The following LRFN2 variants were observed in gnomAD, a reference collection of about 807,000 sequenced individuals.
The protein encoded by LRFN2 is leucine-rich repeat and fibronectin type-III domain-containing protein 2.
A neutral mutation model predicts 37.3 loss-of-function variants in LRFN2; 18 were observed. The observed-to-expected ratio is 0.48, with a 90% CI of 0.33 to 0.72. LRFN2 has a LOEUF of 0.72. Among genes scored for constraint, LRFN2 ranks in the 30% least tolerant of loss-of-function variants. The probability of loss-of-function intolerance (pLI) is 0.02; values close to 1 mark genes in which losing one functional copy is unlikely to be tolerated. For synonymous variants in LRFN2, 556 were observed against 466.6 expected (o/e 1.19, Z -2.47); for missense variants, 1,006 against 1,060.7 (o/e 0.95, Z 0.72).
At chr6:40,555,248 G>A (rs550706888) in intron 1 of LRFN2, among the ~76,000 whole-genome samples, 1 of 152,332 alleles carries the variant, frequency 6.6e-6, no homozygotes, top group African/African-American at 2.4e-5. Context: ...AAGAAGCCAT[G>A]CCAGTGAGGT....
At chr6:40,550,025 C>T (rs1581790475) in intron 1 of LRFN2, among the ~76,000 whole-genome samples, 4 of 152,106 alleles carry the variant, frequency 2.6e-5, no homozygotes, top group Admixed American at 2.6e-4. Flanking sequence ...GAGAGAAAGA[C>T]TCCGTCTCAA....
chr6:40,461,000 T>G (rs1274255204), intron 1 of LRFN2, among the ~76,000 whole-genome samples: 1 of 152,188 alleles, frequency 6.6e-6, no homozygotes, highest in Non-Finnish European at 1.5e-5. Flanking sequence ...ATCATTGTAA[T>G]GTAACATTTG....
chr6:40,418,771 T>C (rs551192100), intron 2 of LRFN2, among the ~76,000 whole-genome samples: 30 of 152,276 alleles, frequency 2.0e-4, no homozygotes, highest in African/African-American at 7.2e-4. Context: ...TCACACCTCA[T>C]AGGGTTAACA....
chr6:40,432,784 A>G lies in LRFN2; in HGVS notation c.330T>C (p.Asn110=), dbSNP rs1561852880. 1 of 1,614,180 alleles carries G rather than the reference A, an allele frequency of 6.2e-7. No individual in the cohort carries two copies. Among genetic ancestry groups the G allele is most frequent in the Non-Finnish European group, 8.5e-7 (1 of 1,180,028 alleles). The stretch of plus-strand genomic sequence containing the variant: ...TGTCCTCCCCAAGGCTTGGCAGCCG[A>G]TTGCTGTCAAGATGCAGGGAGCGGA... ...ESLRSLHLDS[N]RLPSLGEDTL... Residue 110 remains asparagine, a synonymous_variant, in exon 2 of 3, where the codon AAT becomes AAC. Transcript: ENST00000338305.
chr6:40,576,440 T>C (rs1218531843), intron 1 of LRFN2, among the ~76,000 whole-genome samples: 1 of 152,110 alleles, frequency 6.6e-6, no homozygotes, highest in Non-Finnish European at 1.5e-5. Context: ...AAAACCAATA[T>C]ACAGTAAATA....
At chr6:40,420,408 T>G (rs971459422) in intron 2 of LRFN2, among the ~76,000 whole-genome samples, 1 of 152,238 alleles carries the variant, frequency 6.6e-6, no homozygotes, top group African/African-American at 2.4e-5. Flanking sequence ...CTTCCCTCTT[T>G]GCTTTGCTCT....
chr6:40,513,480 C>T (rs180713236), intron 1 of LRFN2, among the ~76,000 whole-genome samples: 186 of 152,208 alleles, frequency 1.2e-3, no homozygotes, highest in African/African-American at 4.3e-3. Flanking sequence ...GTGATCCGCC[C>T]ACCTCAGCCT....
At chr6:40,540,268 C>A (rs1766528198) in intron 1 of LRFN2, among the ~76,000 whole-genome samples, 1 of 152,216 alleles carries the variant, frequency 6.6e-6, no homozygotes, top group South Asian at 2.1e-4. Flanking sequence ...TGTTCATAAG[C>A]ATTTTGTAAA....
At chr6:40,407,469 G>A (rs1219860617) in intron 2 of LRFN2, among the ~76,000 whole-genome samples, 1 of 152,194 alleles carries the variant, frequency 6.6e-6, no homozygotes, top group Admixed American at 6.5e-5. Context: ...TGGTGAGTGT[G>A]AGAAATCAAG....
chr6:40,531,347 G>A (rs79664506), intron 1 of LRFN2, among the ~76,000 whole-genome samples: 1 of 152,332 alleles, frequency 6.6e-6, no homozygotes, highest in East Asian at 1.9e-4. Flanking sequence ...TTGACTGCTT[G>A]TCTCCATGGC....
At chr6:40,491,582 C>G (rs1765098603) in intron 1 of LRFN2, among the ~76,000 whole-genome samples, 1 of 148,068 alleles carries the variant, frequency 6.8e-6, no homozygotes, top group African/African-American at 2.5e-5. Flanking sequence ...TTCCCTCACT[C>G]TATTTTGCCG....
chr6:40,411,306 C>T (rs373697230), intron 2 of LRFN2, among the ~76,000 whole-genome samples: 46 of 152,280 alleles, frequency 3.0e-4, no homozygotes, highest in East Asian at 1.9e-4. Context: ...GAACCCCAAA[C>T]GGGCACGGTA....
At chr6:40,436,487 A>G (rs964915772) in intron 1 of LRFN2, among the ~76,000 whole-genome samples, 2 of 140,380 alleles carry the variant, frequency 1.4e-5, no homozygotes, top group Admixed American at 7.5e-5. Context: ...GTTCTATAGG[A>G]TATGTGTTTT....
intron 2 of LRFN2, among the ~76,000 whole-genome samples, chr6:40,412,622 C>T (rs947249985): frequency 6.6e-6 from 1 of 152,178 alleles, no homozygotes; most frequent in Non-Finnish European, 1.5e-5. Context: ...CACCGTGAGG[C>T]ATTCGAATTA....
intron 1 of LRFN2, among the ~76,000 whole-genome samples, chr6:40,518,499 C>A (rs1295080395): frequency 2.0e-5 from 3 of 152,122 alleles, no homozygotes; most frequent in African/African-American, 7.2e-5. Context: ...TATGCTGCTC[C>A]CTCCTTGAAA....
At chr6:40,534,788 T>C (rs1302510773) in intron 1 of LRFN2, among the ~76,000 whole-genome samples, 1 of 152,138 alleles carries the variant, frequency 6.6e-6, no homozygotes, top group Admixed American at 6.5e-5. Context: ...TAGCCTGTGG[T>C]CTAGAACAGG....
chr6:40,430,762 C>T (rs569348057), intron 2 of LRFN2, among the ~76,000 whole-genome samples: 2 of 152,324 alleles, frequency 1.3e-5, no homozygotes, highest in East Asian at 1.9e-4. Flanking sequence ...GAGACTAAGG[C>T]CCAGGGGGTT....
At chr6:40,423,390 A>G (rs952248825) in intron 2 of LRFN2, among the ~76,000 whole-genome samples, 1 of 152,236 alleles carries the variant, frequency 6.6e-6, no homozygotes, top group African/African-American at 2.4e-5. Flanking sequence ...CCTAGTAATC[A>G]TAAGTACTCT....
chr6:40,450,407 GTGAAAACAAACAAAT>G (rs1190975778), intron 1 of LRFN2, among the ~76,000 whole-genome samples: 1 of 152,224 alleles, frequency 6.6e-6, no homozygotes, highest in Non-Finnish European at 1.5e-5. Context: ...TTCAACTCGG[GTGAAAACAAACAAAT>G]TGCACTGAAG....
Sources: gnomAD v4.1 joint callset for allele counts (sites outside exome capture counted in the v4.1 genomes callset) on GRCh38, gnomAD v4.1.1 for gene constraint, MANE v1.5 for transcripts, NCBI Gene and HGNC (gene_info 2026-07-23, HGNC 2026-07-21) for gene names.